RANBP17: variants seen among roughly 807,000 people sequenced by gnomAD.
The protein encoded by RANBP17 is RAN binding protein 17, also known as ran-binding protein 17.
A neutral mutation model predicts 141.2 loss-of-function variants in RANBP17; 158 were observed. The ratio of observed to expected loss-of-function variants is 1.12; its 90% confidence interval spans 0.98 to 1.28. The LOEUF is 1.28. RANBP17 is among the 50% of genes most tolerant of loss of function. The probability of loss-of-function intolerance (pLI) is 0.00; values close to 1 mark genes in which losing one functional copy is unlikely to be tolerated. For missense variants in RANBP17, 1,438 were observed against 1,290.7 expected, an observed-to-expected ratio of 1.11 and a Z score of -1.75; for synonymous variants, 430 against 450.0, an observed-to-expected ratio of 0.96 and a Z score of 0.56.
chr5:171,144,175 C>A (rs1757888506), intron 14 of RANBP17, among the ~76,000 whole-genome samples: 1 of 151,992 alleles, frequency 6.6e-6, no homozygotes, highest in South Asian at 2.1e-4. Context: ...CCAGCCTGGG[C>A]AACATGATGA....
chr5:171,174,749 A>AGAGT (rs1261724740), intron 16 of RANBP17, among the ~76,000 whole-genome samples: 28 of 91,284 alleles, frequency 3.1e-4, no homozygotes, highest in African/African-American at 1.2e-3. Flanking sequence ...AAAAATATCT[A>AGAGT]GAGTGTGTGT....
intron 14 of RANBP17, among the ~76,000 whole-genome samples, chr5:171,088,364 A>G (rs908267140): frequency 1.3e-5 from 2 of 152,162 alleles, no homozygotes; most frequent in Non-Finnish European, 2.9e-5. Flanking sequence ...CTTTGTAAGT[A>G]ACATGACCTT....
At chr5:170,928,473 A>G (rs1773101431) in intron 12 of RANBP17, among the ~76,000 whole-genome samples, 1 of 152,080 alleles carries the variant, frequency 6.6e-6, no homozygotes, top group South Asian at 2.1e-4. Context: ...CAGCTATTAT[A>G]TTGAGGCCTG....
intron 1 of RANBP17, among the ~76,000 whole-genome samples, chr5:170,876,655 A>C (rs576370711): frequency 4.6e-5 from 7 of 152,114 alleles, no homozygotes; most frequent in Non-Finnish European, 1.0e-4. Flanking sequence ...AGTTAGGGAA[A>C]TGGAAAATGC....
At chr5:170,911,169 A>C (rs1206791527) in intron 7 of RANBP17, 35 bp downstream of exon 7, 1 of 1,580,856 alleles carries the variant, frequency 6.3e-7, no homozygotes, top group South Asian at 1.1e-5. Context: ...GGTCATCAAC[A>C]TAAAGGCACA....
intron 16 of RANBP17, among the ~76,000 whole-genome samples, chr5:171,173,481 T>A (rs1351394406): frequency 2.6e-5 from 4 of 152,114 alleles, no homozygotes; most frequent in African/African-American, 4.8e-5. Context: ...GTTCTTTATT[T>A]ATAGTACATG....
intron 14 of RANBP17, among the ~76,000 whole-genome samples, chr5:171,103,284 T>C (rs968155616): frequency 2.6e-5 from 4 of 152,180 alleles, no homozygotes; most frequent in African/African-American, 9.7e-5. Flanking sequence ...GCCCTTCTTT[T>C]AGAGATGCCC....
rs145321662 is a variant in RANBP17, at chr5:171,125,066, G to A, written c.1711-45064G>A. Reference sequence around the variant, plus strand: ...TCCCAACACTTTGGGAGGCCGAGGCGGGCAGATCACCTGAGGTCAGGAGTT... The same window carrying A: ...TCCCAACACTTTGGGAGGCCGAGGCAGGCAGATCACCTGAGGTCAGGAGTT... On this transcript the variant is annotated intron_variant, in intron 14 of 27. Transcript: ENST00000523189. Among the ~76,000 whole-genome samples the A allele has an allele frequency of 4.1e-3, 625 of 152,144 alleles. 4 individuals are homozygous for A. The highest frequency in any genetic ancestry group is 0.014 in the African/African-American group (581 of 41,506).
intron 14 of RANBP17, among the ~76,000 whole-genome samples, chr5:170,975,179 T>C (rs1777266043): frequency 1.3e-5 from 2 of 152,312 alleles, no homozygotes; most frequent in South Asian, 4.1e-4. Flanking sequence ...ATTTTTCTTC[T>C]CACATTTTAT....
At chr5:171,218,376 G>A (rs1033880360) in intron 21 of RANBP17, among the ~76,000 whole-genome samples, 1 of 152,136 alleles carries the variant, frequency 6.6e-6, no homozygotes, top group African/African-American at 2.4e-5. Context: ...GTCGATTTGG[G>A]GTGGAGAGTT....
rs760278784 is a variant in RANBP17 at position 171,170,188 on chromosome 5, C to T, written c.1769C>T (p.Thr590Met). The T allele has an allele frequency of 8.3e-6, 13 of 1,561,662 alleles. No homozygotes were observed. The highest frequency in any genetic ancestry group is 2.7e-5 in the African/African-American group (2 of 72,920). Reference sequence around the variant, plus strand: ...ACAGATGACAACCACGTTCTAGAGACGTTCATGACAAAAATGTGAGTTCTT... The same window carrying T: ...ACAGATGACAACCACGTTCTAGAGATGTTCATGACAAAAATGTGAGTTCTT... ...GITDDNHVLE[T>M]FMTKIVTNLK... is the part of the protein sequence containing the mutation. The change falls in exon 15 of 28, where the codon ACG (threonine) becomes ATG (methionine). Residue 590 changes from threonine to methionine, a missense_variant. Coordinates refer to ENST00000523189, the MANE Select transcript of RANBP17 (RefSeq NM_022897.5).
intron 14 of RANBP17, among the ~76,000 whole-genome samples, chr5:170,982,913 A>T (rs529361825): frequency 5.4e-4 from 82 of 152,316 alleles, no homozygotes; most frequent in Middle Eastern, 3.4e-3. Flanking sequence ...ACTAAAATAG[A>T]AGACAGTGAA....
chr5:170,965,817 T>C (rs1424167186), intron 13 of RANBP17, among the ~76,000 whole-genome samples: 2 of 152,160 alleles, frequency 1.3e-5, no homozygotes, highest in East Asian at 3.9e-4. Context: ...TAGTATAGTT[T>C]GAAGTCAGGT....
At chr5:171,012,460 T>G (rs1284194156) in intron 14 of RANBP17, among the ~76,000 whole-genome samples, 1 of 152,166 alleles carries the variant, frequency 6.6e-6, no homozygotes, top group Non-Finnish European at 1.5e-5. Context: ...ATCTGCTGCC[T>G]GGAATCTATA....
chr5:170,896,007 C>A, intron 4 of RANBP17, 43 bp from the exon 5 acceptor site: 1 of 1,234,388 alleles, frequency 8.1e-7, no homozygotes, highest in South Asian at 1.4e-5. Context: ...AAGAACCAAT[C>A]ACTTGTCTCC....
Position 170,957,004 on chromosome 5 carries a change from A to T in RANBP17, c.1574+3302A>T, listed in dbSNP as rs185359315. 8.4e-3 allele frequency among the ~76,000 whole-genome samples: 1,267 copies of T among 151,602 alleles called. 6 individuals are homozygous for T. The highest frequency in any genetic ancestry group is 0.014 in the Non-Finnish European group (981 of 67,848). The stretch of plus-strand genomic sequence containing the variant: ...AGAATGGCGTGAACCCCGGAGGCAG[A>T]GCTTGCAGTGAGCCGAGATCGTGCC... On this transcript the variant is annotated intron_variant, in intron 13 of 27. Coordinates refer to ENST00000523189, the MANE Select transcript of RANBP17 (RefSeq NM_022897.5).
Position 170,915,359 on chromosome 5 carries a change from G to A in RANBP17, c.835-1106G>A, listed in dbSNP as rs193301493. Among the ~76,000 whole-genome samples the A allele has an allele frequency of 4.7e-3, 713 of 152,200 alleles. 4 individuals carry two copies. Among genetic ancestry groups the A allele is most frequent in the Admixed American group, 7.3e-3 (112 of 15,260 alleles). On this transcript the variant is annotated intron_variant, in intron 8 of 27. Transcript: ENST00000523189. Reference sequence around the variant, plus strand: ...CCTACTATGTAGACCCAGAAAAACAGAAAACAGACCCAGATTGACTAAGTG... The same window carrying A: ...CCTACTATGTAGACCCAGAAAAACAAAAAACAGACCCAGATTGACTAAGTG...
intron 14 of RANBP17, among the ~76,000 whole-genome samples, chr5:171,036,274 C>T (rs1208941171): frequency 2.0e-5 from 3 of 152,102 alleles, no homozygotes; most frequent in African/African-American, 4.8e-5. Context: ...TAAGTGATAA[C>T]ATGCGATATT....
chr5:171,018,311 G>C (rs1780598358), intron 14 of RANBP17, among the ~76,000 whole-genome samples: 1 of 152,076 alleles, frequency 6.6e-6, no homozygotes, highest in Non-Finnish European at 1.5e-5. Context: ...ATGGTAGTTT[G>C]ATGGGAATAG....
Sources: allele counts gnomAD v4.1 joint callset (sites outside exome capture counted in the v4.1 genomes callset), GRCh38; gene constraint gnomAD v4.1.1; transcripts MANE v1.5; gene names NCBI Gene and HGNC (gene_info 2026-07-23, HGNC 2026-07-21).